Variants in LOX observed in about 807,000 individuals in gnomAD.
LOX encodes the protein lysyl oxidase.
Under a neutral mutation model 50.5 loss-of-function variants are expected in LOX, and 12 were observed. The ratio of observed to expected loss-of-function variants is 0.24; its 90% CI spans 0.15 to 0.38. The LOEUF (loss-of-function observed/expected upper bound fraction) is 0.38, where lower values mean the gene tolerates loss of function less well. Ranked by LOEUF, LOX falls within the 10% of genes least tolerant of loss-of-function variation. The probability of loss-of-function intolerance (pLI) is 1.00; values close to 1 mark genes in which losing one functional copy is unlikely to be tolerated. For missense variants in LOX, 504 were observed against 563.8 expected, an observed-to-expected ratio of 0.89 and a Z score of 1.07; for synonymous variants, 254 against 230.6, an observed-to-expected ratio of 1.10 and a Z score of -0.92.
Position 122,077,091 on chromosome 5 carries a change from C to T in LOX, c.632-90G>A. ...ACCCCTCTAGGTCCCTTACTCCTCA[C>T]CCTTCGCCCACCGGGACTGCAGAGT... On this transcript the variant is annotated intron_variant, in intron 1 of 6. Transcript: ENST00000231004. This position sits in a 1 kb window ranked among gnomAD's most constrained non-coding sequence, Gnocchi z 4.9. 1.3e-6 allele frequency: 2 copies of T among 1,542,810 alleles called. No homozygotes were observed. Among genetic ancestry groups the T allele is most frequent in the Non-Finnish European group, 1.7e-6 (2 of 1,148,822 alleles).
At chr5:122,075,353 C>A in intron 3 of LOX, 51 bp downstream of exon 3, 1 of 1,502,620 alleles carries the variant, frequency 6.7e-7, no homozygotes, top group Non-Finnish European at 8.9e-7. Flanking sequence ...TCAAAAATCA[C>A]CTGAGAAATG....
In LOX at chr5:122,077,383, G is replaced by C. The variant is rs1244883890; in HGVS notation, c.603C>G (p.Pro201=). The change falls in exon 1 of 7, where the codon CCC becomes CCG. Residue 201 remains proline (P), a synonymous_variant. Transcript: ENST00000231004. This position sits in a 1 kb window ranked among gnomAD's most constrained non-coding sequence, Gnocchi z 4.9. The part of the protein sequence containing the change: ...ERPRPGGRYR[P]GYGTGYFQYG... ...ACTGGAAGTAGCCAGTGCCGTATCC[G>C]GGCCGGTACCTGCCCCCAGGTCTGG... 6.2e-7 allele frequency: 1 copy of C among 1,613,876 alleles called. No homozygotes were observed.
rs980151911 is a variant in LOX, at chr5:122,077,182, G to A, written c.631+173C>T. 4.1e-6 allele frequency: 6 copies of A among 1,466,072 alleles called. No individual in the cohort carries two copies. The highest frequency in any genetic ancestry group is 1.4e-5 in the South Asian group (1 of 71,022). The allele number at this position is 1,466,072 out of a possible 1,614,324, so 90.8% of individuals were successfully genotyped here. On this transcript the variant is annotated intron_variant, in intron 1 of 6. Transcript: ENST00000231004. This position sits in a 1 kb window ranked among gnomAD's most constrained non-coding sequence, Gnocchi z 4.9. ...GCAAAGCAATGTGAAAAGGAAGCAG[G>A]AGGGGCCAGACGCGCGGTTTGCACT...
Position 122,077,627 on chromosome 5 carries a change from G to A in LOX, c.359C>T (p.Thr120Ile), listed in dbSNP as rs376794473. The change falls in exon 1 of 7, where the codon ACC becomes ATC. Residue 120 changes from threonine to isoleucine, a missense_variant. Thr to Ile is a moderately conservative substitution (Grantham distance 89). Coordinates refer to ENST00000231004, the MANE Select transcript of LOX (RefSeq NM_002317.7). This position sits in a 1 kb window ranked among gnomAD's most constrained non-coding sequence, Gnocchi z 4.9. ...SGVTAGRPRP[T>I]ARHWFQAGYS... is the part of the protein sequence containing the mutation. ...GCCAGCTTGGAACCAGTGACGGGCGGTGGGCCTGGGGCGGCCAGCGGTGAC... is the reference window on the plus strand; with the variant it reads ...GCCAGCTTGGAACCAGTGACGGGCGATGGGCCTGGGGCGGCCAGCGGTGAC... 7 of 1,611,480 alleles carry A rather than the reference G, an allele frequency of 4.3e-6. No individual in the cohort carries two copies. The highest frequency in any genetic ancestry group is 5.1e-6 in the Non-Finnish European group (6 of 1,179,602).
chr5:122,072,051 T>C (rs1284938225), intron 4 of LOX, among the ~76,000 whole-genome samples: 1 of 152,244 alleles, frequency 6.6e-6, no homozygotes, highest in African/African-American at 2.4e-5. Flanking sequence ...CATACAATTC[T>C]GATTCTGGCA....
Position 122,077,140 on chromosome 5 carries a change from T to G in LOX, c.632-139A>C. The G allele has an allele frequency of 6.8e-7, 1 of 1,473,330 alleles. No homozygotes were observed. Among genetic ancestry groups the G allele is most frequent in the Non-Finnish European group, 8.9e-7 (1 of 1,118,024 alleles). The allele number at this position is 1,473,330 out of a possible 1,614,324, so 91.3% of individuals were successfully genotyped here. On this transcript the variant is annotated intron_variant, in intron 1 of 6. Transcript: ENST00000231004. This position sits in a 1 kb window ranked among gnomAD's most constrained non-coding sequence, Gnocchi z 4.9. ...GTGGAGCGGAGGACAGCAAGAGAAC[T>G]GGGGACGCCCGGGACTGCAAAGCAA...
At chr5:122,074,957 G>T (rs546781597) in intron 3 of LOX, among the ~76,000 whole-genome samples, 1 of 152,174 alleles carries the variant, frequency 6.6e-6, no homozygotes, top group Non-Finnish European at 1.5e-5. Context: ...GCTTGATACA[G>T]GTCTTTTAAA....
In LOX at chr5:122,075,392, C is replaced by T; in HGVS notation, c.878+12G>A. 3 of 1,595,880 alleles carry T rather than the reference C, an allele frequency of 1.9e-6. No homozygotes were observed. The highest frequency in any genetic ancestry group is 2.6e-6 in the Non-Finnish European group (3 of 1,173,744). On this transcript the variant is annotated intron_variant, in intron 3 of 6. Transcript: ENST00000231004. ...AGCAACCCAAAAGTACCCAGGAGGC[C>T]CATTTACTTACTGATGACAACTGTG...
intron 3 of LOX, 124 bp from the exon 4 acceptor site, chr5:122,074,293 T>C: frequency 1.3e-6 from 1 of 755,070 alleles, no homozygotes; most frequent in Non-Finnish European, 2.1e-6. Flanking sequence ...ACCAAATTTA[T>C]CTTCTAAAAG....
chr5:122,072,870 T>C (rs1409596771), intron 4 of LOX, among the ~76,000 whole-genome samples: 1 of 152,192 alleles, frequency 6.6e-6, no homozygotes, highest in Non-Finnish European at 1.5e-5. Context: ...GAGTGCCTCT[T>C]TTTGTAAATG....
chr5:122,070,821 G>C, intron 4 of LOX: 1 of 320,160 alleles, frequency 3.1e-6, no homozygotes, highest in East Asian at 4.9e-5. Context: ...CTTCTTAAAA[G>C]TGTCATATAT....
At position 122,078,107 on chromosome 5, in the gene LOX, A is replaced by G. The variant is rs1449710028; in HGVS notation, c.-122T>C. 2.2e-6 allele frequency: 2 copies of G among 923,948 alleles called. No homozygotes were observed. The highest frequency in any genetic ancestry group is 3.0e-6 in the Non-Finnish European group (2 of 672,650). 57.2% of individuals were successfully genotyped at this position (923,948 alleles called of 1,614,324 possible). Reference sequence around the variant, plus strand: ...CCAAGGAGGCGAGCGGAGCACGGGTATCTCAGTCTCCACCAAGCAATGCCA... The same window carrying G: ...CCAAGGAGGCGAGCGGAGCACGGGTGTCTCAGTCTCCACCAAGCAATGCCA... On this transcript the variant is annotated 5_prime_UTR_variant, in exon 1 of 7. Transcript: ENST00000231004.
intron 4 of LOX, among the ~76,000 whole-genome samples, chr5:122,071,442 G>A (rs1351597399): frequency 6.6e-6 from 1 of 152,128 alleles, no homozygotes; most frequent in Non-Finnish European, 1.5e-5. Flanking sequence ...ATATTTTGTT[G>A]AAGGGGTAAA....
chr5:122,075,291 G>A, intron 3 of LOX, 113 bp downstream of exon 3: 1 of 929,230 alleles, frequency 1.1e-6, no homozygotes, highest in Non-Finnish European at 1.6e-6. Flanking sequence ...CTAAATATAA[G>A]TAATAGCAAT....
Position 122,063,722 on chromosome 5 carries a change from A to AT in LOX, c.*3020dup, listed in dbSNP as rs1754227077. On this transcript the variant is annotated 3_prime_UTR_variant, in exon 7 of 7. Transcript: ENST00000231004. ...CAAAACACATTATTTTTAAAACAAA[A>AT]TATCTCCTTACCAGGAATTCAGTAT... 1 of 151,954 alleles carries AT rather than the reference A, an allele frequency of 6.6e-6. No individual in the cohort carries two copies. Among genetic ancestry groups the AT allele is most frequent in the Non-Finnish European group, 1.5e-5 (1 of 67,896 alleles). The allele number at this position is 151,954 out of a possible 1,614,324, so 9.4% of individuals were successfully genotyped here.
rs41407546 is a variant in LOX at position 122,077,510 on chromosome 5, G to T, written c.476C>A (p.Pro159Gln). 14,142 of 1,613,824 alleles carry T rather than the reference G, an allele frequency of 8.8e-3. 73 individuals are homozygous for T. Among genetic ancestry groups the T allele is most frequent in the Middle Eastern group, 0.013 (77 of 6,062 alleles). Reference protein sequence around the residue: ...GEVPALSNLRPPSRVDGMVGD... With the variant: ...GEVPALSNLRQPSRVDGMVGD... ...CACCATGCCGTCCACGCGGCTGGGC[G>T]GCCGCAGGTTACTGAGCGCAGGAAC... The change falls in exon 1 of 7, where the codon CCG becomes CAG. Residue 159 changes from proline to glutamine, a missense_variant. Pro to Gln is a moderately conservative substitution (Grantham distance 76). This residue lies in a region of LOX where 398 missense variants were observed against 365.8 expected (regional missense o/e 1.09). Coordinates refer to ENST00000231004, the MANE Select transcript of LOX (RefSeq NM_002317.7). This position sits in a 1 kb window ranked among gnomAD's most constrained non-coding sequence, Gnocchi z 4.9.
Position 122,074,125 on chromosome 5 carries a change from T to G in LOX, c.923A>C (p.Asp308Ala). 1.9e-6 allele frequency: 3 copies of G among 1,614,162 alleles called. No individual in the cohort carries two copies. The highest frequency in any genetic ancestry group is 2.5e-6 in the Non-Finnish European group (3 of 1,179,994). ...AGCCACTCTCCTCTGGGTGTTGGCA[T>G]CAAGCAGGTCATAGTGGCTAAACTC... ...MDEFSHYDLL[D>A]ANTQRRVAEG... is the part of the protein sequence containing the mutation. Residue 308 changes from aspartate to alanine, a missense_variant, in exon 4 of 7, where the codon GAT (aspartate) becomes GCT (alanine). Physicochemically the swap from Asp to Ala is moderately radical, Grantham distance 126. Transcript: ENST00000231004.
At position 122,077,925 on chromosome 5, in the gene LOX, A is replaced by T; in HGVS notation, c.61T>A (p.Cys21Ser). The T allele has an allele frequency of 6.6e-7, 1 of 1,514,788 alleles. No homozygotes were observed. The highest frequency in any genetic ancestry group is 8.7e-7 in the Non-Finnish European group (1 of 1,143,140). The allele number at this position is 1,514,788 out of a possible 1,614,324, so 93.8% of individuals were successfully genotyped here. The stretch of plus-strand genomic sequence containing the variant: ...TGTTGGCCGGCGGCGGGAGGGGCGC[A>T]GTGCACTAGCGCGCAGAGCTGCAAA... ...GPLQLCALVH[C>S]APPAAGQQQP... Residue 21 changes from cysteine to serine, a missense_variant, in exon 1 of 7, where the codon TGC (cysteine) becomes AGC (serine). Transcript: ENST00000231004. The surrounding 1 kb of genome is among the most constrained non-coding windows in gnomAD (Gnocchi z 4.9).
chr5:122,070,279 A>C (rs1754412252), intron 5 of LOX, 111 bp from the exon 6 acceptor site: 1 of 716,990 alleles, frequency 1.4e-6, no homozygotes, highest in Non-Finnish European at 2.5e-6. Context: ...TAACTTAAGT[A>C]AGTGGTTAAA....
Sources: allele counts gnomAD v4.1 joint callset (sites outside exome capture counted in the v4.1 genomes callset), GRCh38; gene constraint gnomAD v4.1.1; regional missense constraint gnomAD v4.1.1; non-coding constraint Gnocchi (gnomAD v3.1); transcripts MANE v1.5; gene names NCBI Gene and HGNC (gene_info 2026-07-23, HGNC 2026-07-21).